TRPM7: variants seen among roughly 807,000 people sequenced by gnomAD.
TRPM7 encodes LTRPC ion channel family member 7.
Under a neutral mutation model 229.7 loss-of-function variants are expected in TRPM7, and 134 were observed. That is an observed-to-expected ratio of 0.58 (90% CI 0.51 to 0.67). The LOEUF is 0.67. Among genes scored for constraint, TRPM7 ranks in the 30% least tolerant of loss-of-function variants. The pLI, the probability that TRPM7 is intolerant of heterozygous loss-of-function variation, is 0.00. For missense variants in TRPM7, 1,901 were observed against 2,210.0 expected (o/e 0.86, Z 2.80); for synonymous variants, 699 against 715.2 (o/e 0.98, Z 0.36).
In TRPM7 at chr15:50,643,536, A is replaced by T; in HGVS notation, c.339T>A (p.Tyr113Ter). 6.2e-7 allele frequency: 1 copy of T among 1,614,104 alleles called. No homozygotes were observed. The highest frequency in any genetic ancestry group is 8.5e-7 in the Non-Finnish European group (1 of 1,179,926). Reference sequence around the variant, plus strand: ...GCAGAATGACTTCAGGTTTGGTGTCATATGATAGCCTCACATACTAGAAAA... The same window carrying T: ...GCAGAATGACTTCAGGTTTGGTGTCTTATGATAGCCTCACATACTAGAAAA... ...SYRAKYVRLSYDTKPEVILQL... is the reference protein window; with the variant it reads ...SYRAKYVRLS Residue 113 changes from tyrosine to a stop codon, truncating the protein, a stop_gained, in exon 5 of 39, where the codon TAT (tyrosine) becomes TAA (stop). Transcript: ENST00000646667. LOFTEE classifies it high-confidence loss of function.
chr15:50,617,613 TA>T (rs148010375), intron 13 of TRPM7, among the ~76,000 whole-genome samples: 27,512 of 151,984 alleles, frequency 0.18, 3,183 homozygotes, highest in East Asian at 0.46. Flanking sequence ...ATCACATTTT[TA>T]AAAAACATCC....
rs758424610 is a variant in TRPM7, at chr15:50,578,606, T to C, written c.4618+33A>G. 34 of 1,603,586 alleles carry C rather than the reference T, an allele frequency of 2.1e-5. No homozygotes were observed. In the Admixed American group the frequency reaches 5.6e-4, roughly 26 times the overall value. On this transcript the variant is annotated intron_variant, in intron 31 of 38. Coordinates refer to ENST00000646667, the MANE Select transcript of TRPM7 (RefSeq NM_017672.6). The stretch of plus-strand genomic sequence containing the variant: ...GTAACAGATCATGTAAGATTCTCAT[T>C]TTTTTCACGTTCAATCTACCACACA...
intron 30 of TRPM7, among the ~76,000 whole-genome samples, chr15:50,579,385 A>G (rs1161669963): frequency 6.6e-6 from 1 of 152,254 alleles, no homozygotes; most frequent in Non-Finnish European, 1.5e-5. Context: ...CCTACATTCT[A>G]TCTGACCCTG....
At chr15:50,617,593 A>G (rs188127924) in intron 13 of TRPM7, among the ~76,000 whole-genome samples, 16 of 148,606 alleles carry the variant, frequency 1.1e-4, no homozygotes, top group Middle Eastern at 6.9e-3. Flanking sequence ...AAAGAAAATG[A>G]AAACAGAAAA....
intron 22 of TRPM7, among the ~76,000 whole-genome samples, chr15:50,596,824 C>A (rs1471543782): frequency 1.3e-5 from 2 of 152,142 alleles, no homozygotes; most frequent in African/African-American, 4.8e-5. Flanking sequence ...GATCTCGGCT[C>A]ACTGCAACCT....
rs71124382 is a variant in TRPM7 at position 50,590,841 on chromosome 15, A to AGG, written c.4324+1068_4324+1069dup. 1.1e-3 allele frequency among the ~76,000 whole-genome samples: 165 copies of AGG among 149,938 alleles called. 2 individuals are homozygous for AGG. The East Asian group carries it at 0.016, about 15-fold the overall frequency. On this transcript the variant is annotated intron_variant, in intron 26 of 38. Transcript: ENST00000646667. Reference sequence around the variant, plus strand: ...TCCGTCTTTTAAAAAAAAAAAAAAAAGGGGGAATATATTTAACGTAGGAAA... The same window carrying AGG: ...TCCGTCTTTTAAAAAAAAAAAAAAAAGGGGGGGAATATATTTAACGTAGGAAA...
intron 11 of TRPM7, among the ~76,000 whole-genome samples, chr15:50,625,222 T>C (rs1261817828): frequency 6.6e-6 from 1 of 152,192 alleles, no homozygotes; most frequent in Non-Finnish European, 1.5e-5. Context: ...ACCACATTAT[T>C]AAAAACATCT....
intron 5 of TRPM7, 84 bp downstream of exon 5, chr15:50,643,256 T>C (rs2061159570): frequency 1.7e-6 from 2 of 1,168,830 alleles, no homozygotes; most frequent in Non-Finnish European, 2.5e-6. Context: ...GCCATTGCAC[T>C]CCAGCCTGGC....
intron 30 of TRPM7, among the ~76,000 whole-genome samples, chr15:50,580,125 T>A (rs1358225403): frequency 6.6e-6 from 1 of 152,164 alleles, no homozygotes; most frequent in Non-Finnish European, 1.5e-5. Flanking sequence ...AATAATAATT[T>A]CCCCCAAATT....
intron 9 of TRPM7, among the ~76,000 whole-genome samples, chr15:50,632,161 G>C (rs763423960): frequency 6.6e-6 from 1 of 152,004 alleles, no homozygotes; most frequent in Non-Finnish European, 1.5e-5. Flanking sequence ...AAATTAGCCA[G>C]GCATGGTGGC....
chr15:50,653,540 A>G (rs1034183560), intron 3 of TRPM7, among the ~76,000 whole-genome samples: 1 of 152,164 alleles, frequency 6.6e-6, no homozygotes, highest in African/African-American at 2.4e-5. Flanking sequence ...ACAAGAAGAA[A>G]CACGAAGCTG....
chr15:50,587,356 T>C (rs1055717250), intron 27 of TRPM7, among the ~76,000 whole-genome samples: 3 of 151,868 alleles, frequency 2.0e-5, no homozygotes, highest in East Asian at 3.8e-4. Flanking sequence ...TTTTCTATTA[T>C]TTATGTGTTT....
rs765054880 is a variant in TRPM7, at chr15:50,635,664, C to CAAAAAA, written c.833-1114_833-1109dup. Among the ~76,000 whole-genome samples, 257 of 56,534 alleles carry CAAAAAA rather than the reference C, an allele frequency of 4.5e-3. 9 individuals are homozygous for CAAAAAA. The highest frequency in any genetic ancestry group is 7.6e-3 in the African/African-American group (143 of 18,934). 37.1% of individuals were successfully genotyped at this position (56,534 alleles called of 152,430 possible). Reference sequence around the variant, plus strand: ...AGCAACAGAGCAAGACTCCATCTCCCAAAAAAAAAAAAAAAAAAAAAAAAA... The same window carrying CAAAAAA: ...AGCAACAGAGCAAGACTCCATCTCCCAAAAAAAAAAAAAAAAAAAAAAAAAAAAAAA... On this transcript the variant is annotated intron_variant, in intron 7 of 38. Transcript: ENST00000646667.
intron 1 of TRPM7, among the ~76,000 whole-genome samples, chr15:50,665,923 G>A (rs924688617): frequency 1.3e-5 from 2 of 152,064 alleles, no homozygotes; most frequent in African/African-American, 4.8e-5. Flanking sequence ...AACGTGGAAG[G>A]CAGAGCTTGC....
At chr15:50,596,768 T>C (rs895451463) in intron 22 of TRPM7, among the ~76,000 whole-genome samples, 9 of 144,980 alleles carry the variant, frequency 6.2e-5, no homozygotes, top group Non-Finnish European at 9.4e-5. Flanking sequence ...TTTTTTCCCC[T>C]GAGACGGAGT....
intron 1 of TRPM7, among the ~76,000 whole-genome samples, chr15:50,667,318 A>T (rs2061907897): frequency 6.6e-6 from 1 of 152,182 alleles, no homozygotes; most frequent in Non-Finnish European, 1.5e-5. Context: ...AAATTGGCAA[A>T]TGAAAGACCT....
rs1249160127 is a variant in TRPM7 at position 50,577,942 on chromosome 15, GAAGAAGC to G, written c.4618+690_4618+696del. Among the ~76,000 whole-genome samples, 5 of 152,188 alleles carry G rather than the reference GAAGAAGC, an allele frequency of 3.3e-5. No homozygotes were observed. In the South Asian group the frequency reaches 8.3e-4, roughly 25 times the overall value. On this transcript the variant is annotated intron_variant, in intron 31 of 38. Transcript: ENST00000646667. ...GAATTTTATAACAATATGTTAAGAA[GAAGAAGC>G]AAGACACAGAACAGTATATACTGTA...
At chr15:50,617,646 T>C (rs1298330251) in intron 13 of TRPM7, among the ~76,000 whole-genome samples, 2 of 152,110 alleles carry the variant, frequency 1.3e-5, no homozygotes, top group Non-Finnish European at 1.5e-5. Flanking sequence ...AAAATGACAT[T>C]TCTAACGTCA....
At position 50,592,104 on chromosome 15, in the gene TRPM7, T is replaced by C. The variant is rs2059515082; in HGVS notation, c.4131A>G (p.Ile1377Met). Residue 1377 changes from isoleucine to methionine, a missense_variant, in exon 26 of 39, where the codon ATA (isoleucine) becomes ATG (methionine). Coordinates refer to ENST00000646667, the MANE Select transcript of TRPM7 (RefSeq NM_017672.6). ...TGCCTAATTTTTGATTTTTATTAAA[T>C]ATTTTTAAGAGTTCTACCCCATGTA... ...QRLHGVELLK[I>M]FNKNQKLGSS... 1.2e-6 allele frequency: 2 copies of C among 1,610,172 alleles called. No homozygotes were observed. Among genetic ancestry groups the C allele is most frequent in the East Asian group, 4.5e-5 (2 of 44,840 alleles).
Sources: allele counts gnomAD v4.1 joint callset (sites outside exome capture counted in the v4.1 genomes callset), GRCh38; gene constraint gnomAD v4.1.1; transcripts MANE v1.5; gene names NCBI Gene and HGNC (gene_info 2026-07-23, HGNC 2026-07-21).